MB21D2: variants seen among roughly 807,000 people sequenced by gnomAD.
MB21D2 encodes nucleotidyltransferase MB21D2.
MB21D2 carries 9 observed loss-of-function variants against 33.3 expected under a neutral mutation model. That is an observed-to-expected ratio of 0.27 (90% CI 0.16 to 0.47). The LOEUF is 0.47. MB21D2 is among the 20% of genes least tolerant of loss of function. The pLI is 0.99. For missense variants in MB21D2, 540 were observed against 624.6 expected (o/e 0.86, Z 1.44); for synonymous variants, 241 against 236.3 (o/e 1.02, Z -0.18).
intron 1 of MB21D2, among the ~76,000 whole-genome samples, chr3:192,909,300 TTAAAG>T (rs202053561): frequency 0.014 from 2,134 of 152,092 alleles, 39 homozygotes; most frequent in African/African-American, 0.048. Context: ...AAATGCCTTT[TTAAAG>T]TAAATTTGTG....
At chr3:192,810,423 A>G (rs1186981677) in intron 1 of MB21D2, among the ~76,000 whole-genome samples, 1 of 152,058 alleles carries the variant, frequency 6.6e-6, no homozygotes, top group African/African-American at 2.4e-5. Flanking sequence ...AAGGACTTAC[A>G]AACTATCGAA....
intron 1 of MB21D2, among the ~76,000 whole-genome samples, chr3:192,858,053 A>C (rs1456735325): frequency 2.0e-5 from 3 of 152,182 alleles, no homozygotes; most frequent in Non-Finnish European, 4.4e-5. Flanking sequence ...TGAACCCAGG[A>C]GATGGAGGTT....
intron 1 of MB21D2, among the ~76,000 whole-genome samples, chr3:192,865,604 A>C (rs1216552799): frequency 6.6e-6 from 1 of 152,200 alleles, no homozygotes; most frequent in Non-Finnish European, 1.5e-5. Flanking sequence ...GAAAAGAGTT[A>C]AGGATAAAGT....
At chr3:192,817,561 T>C (rs1711955378) in intron 1 of MB21D2, among the ~76,000 whole-genome samples, 1 of 152,160 alleles carries the variant, frequency 6.6e-6, no homozygotes, top group Non-Finnish European at 1.5e-5. Context: ...AGTAAATCTG[T>C]CATCATTAAA....
At chr3:192,901,791 T>G (rs1468881189) in intron 1 of MB21D2, among the ~76,000 whole-genome samples, 1 of 152,252 alleles carries the variant, frequency 6.6e-6, no homozygotes, top group Non-Finnish European at 1.5e-5. Context: ...AAAATACATT[T>G]GGCATCTGCC....
At chr3:192,869,270 G>GAAGA (rs1713235584) in intron 1 of MB21D2, among the ~76,000 whole-genome samples, 1 of 127,828 alleles carries the variant, frequency 7.8e-6, no homozygotes, top group South Asian at 3.1e-4. Context: ...AAAAAGAAAG[G>GAAGA]AAGGAAGGAA....
At chr3:192,877,059 G>A (rs576492855) in intron 1 of MB21D2, among the ~76,000 whole-genome samples, 1 of 152,192 alleles carries the variant, frequency 6.6e-6, no homozygotes, top group Admixed American at 6.5e-5. Context: ...GAAAGAGAAG[G>A]AGAGAAACAG....
At chr3:192,810,121 G>A (rs1711754041) in intron 1 of MB21D2, among the ~76,000 whole-genome samples, 1 of 152,166 alleles carries the variant, frequency 6.6e-6, no homozygotes, top group Non-Finnish European at 1.5e-5. Flanking sequence ...ATGGAAGAAA[G>A]TCTTTTCCCT....
intron 1 of MB21D2, among the ~76,000 whole-genome samples, chr3:192,814,864 C>CTCAA (rs1711885369): frequency 8.0e-6 from 1 of 125,014 alleles, no homozygotes; most frequent in African/African-American, 3.6e-5. Context: ...GACTCCATCC[C>CTCAA]AAAAAAAAAA....
At chr3:192,845,014 C>T (rs1359165578) in intron 1 of MB21D2, among the ~76,000 whole-genome samples, 1 of 152,220 alleles carries the variant, frequency 6.6e-6, no homozygotes, top group Admixed American at 6.5e-5. Context: ...TGGTGATTAA[C>T]AGCCACTTAA....
chr3:192,845,949 G>A (rs963578882), intron 1 of MB21D2, among the ~76,000 whole-genome samples: 7 of 152,094 alleles, frequency 4.6e-5, no homozygotes, highest in Non-Finnish European at 1.0e-4. Flanking sequence ...GGGCATTAGT[G>A]GCACACACCT....
chr3:192,905,282 T>C (rs1714184809), intron 1 of MB21D2, among the ~76,000 whole-genome samples: 1 of 152,128 alleles, frequency 6.6e-6, no homozygotes, highest in African/African-American at 2.4e-5. Context: ...TGTTGTTTTG[T>C]TTTTAAATTA....
At chr3:192,890,543 T>C (rs1713828387) in intron 1 of MB21D2, among the ~76,000 whole-genome samples, 1 of 147,882 alleles carries the variant, frequency 6.8e-6, no homozygotes, top group African/African-American at 2.5e-5. Context: ...TTTCTAGGTA[T>C]AGAAAAAGTC....
At chr3:192,840,934 A>G (rs1712557227) in intron 1 of MB21D2, among the ~76,000 whole-genome samples, 1 of 152,212 alleles carries the variant, frequency 6.6e-6, no homozygotes, top group African/African-American at 2.4e-5. Flanking sequence ...TGTGGAAAAT[A>G]TTTTATAGAA....
chr3:192,914,680 A>G (rs186768738), intron 1 of MB21D2, among the ~76,000 whole-genome samples: 1 of 152,274 alleles, frequency 6.6e-6, no homozygotes. Flanking sequence ...ATAAGAAGTG[A>G]ATCTAGACAA....
intron 1 of MB21D2, among the ~76,000 whole-genome samples, chr3:192,898,009 C>T (rs1444490382): frequency 1.3e-5 from 2 of 151,952 alleles, no homozygotes; most frequent in Non-Finnish European, 2.9e-5. Flanking sequence ...TAGCTGGTTC[C>T]TGACTGAGAG....
intron 1 of MB21D2, among the ~76,000 whole-genome samples, chr3:192,817,429 A>C (rs1411316304): frequency 6.9e-6 from 1 of 144,332 alleles, no homozygotes; most frequent in African/African-American, 2.9e-5. Context: ...GGAGGGAAGG[A>C]AGAAGGGAAA....
intron 1 of MB21D2, among the ~76,000 whole-genome samples, chr3:192,914,223 T>C (rs1369527852): frequency 6.6e-6 from 1 of 152,222 alleles, no homozygotes; most frequent in Non-Finnish European, 1.5e-5. Flanking sequence ...CCCCACTAAA[T>C]TTCAATATCT....
chr3:192,901,110 G>C (rs985446644), intron 1 of MB21D2, among the ~76,000 whole-genome samples: 3 of 152,122 alleles, frequency 2.0e-5, no homozygotes, highest in African/African-American at 7.2e-5. Flanking sequence ...AGAGAGGATG[G>C]AGCCAGGGTT....
Sources: allele counts gnomAD v4.1 joint callset (sites outside exome capture counted in the v4.1 genomes callset), GRCh38; gene constraint gnomAD v4.1.1; transcripts MANE v1.5; gene names NCBI Gene and HGNC (gene_info 2026-07-23, HGNC 2026-07-21).